PDZRN4: variants seen among roughly 807,000 people sequenced by gnomAD.
PDZRN4 encodes PDZ domain-containing RING finger protein 4.
Under a neutral mutation model 99.0 loss-of-function variants are expected in PDZRN4, and 70 were observed. The observed-to-expected ratio is 0.71, with a 90% CI of 0.58 to 0.86. PDZRN4 has a LOEUF of 0.86. Among genes scored for constraint, PDZRN4 ranks in the 40% least tolerant of loss-of-function variants. The probability of loss-of-function intolerance (pLI) is 0.00; values close to 1 mark genes in which losing one functional copy is unlikely to be tolerated. For synonymous variants in PDZRN4, 551 were observed against 501.6 expected (o/e 1.10, Z -1.32); for missense variants, 1,474 against 1,331.2 (o/e 1.11, Z -1.67).
chr12:41,223,312 G>A (rs78941226), intron 3 of PDZRN4, among the ~76,000 whole-genome samples: 3,709 of 152,156 alleles, frequency 0.024, 112 homozygotes, highest in African/African-American at 0.072. Flanking sequence ...GATTAGTCTT[G>A]TCAGGTTCTC....
chr12:41,424,510 G>C (rs985324585), intron 3 of PDZRN4, among the ~76,000 whole-genome samples: 1 of 152,022 alleles, frequency 6.6e-6, no homozygotes, highest in East Asian at 1.9e-4. Context: ...ACACAAAATT[G>C]GTTGCTAGAA....
At chr12:41,282,199 C>CA (rs765031792) in intron 3 of PDZRN4, among the ~76,000 whole-genome samples, 43 of 150,458 alleles carry the variant, frequency 2.9e-4, no homozygotes, top group South Asian at 2.3e-3. Flanking sequence ...AAATGGAAAG[C>CA]AAAAAAAACA....
At chr12:41,465,685 A>G (rs753002657) in intron 3 of PDZRN4, among the ~76,000 whole-genome samples, 2 of 152,158 alleles carry the variant, frequency 1.3e-5, no homozygotes, top group Non-Finnish European at 2.9e-5. Flanking sequence ...ATATCTGGAC[A>G]GTTGGGAACT....
chr12:41,572,579 T>A lies in PDZRN4; in HGVS notation c.1800T>A (p.Leu600=), dbSNP rs1565619527. 1 of 1,614,098 alleles carries A rather than the reference T, an allele frequency of 6.2e-7. No individual in the cohort carries two copies. The change falls in exon 10 of 10, where the codon CTT becomes CTA. Residue 600 remains leucine (L), a synonymous_variant. Coordinates refer to ENST00000402685, the MANE Select transcript of PDZRN4 (RefSeq NM_001164595.2). ...QSQDTLGSVE[L]QYNESLVSGE... ...AAGACACTCTGGGAAGTGTTGAACTTCAGTACAATGAGAGCCTCGTATCTG... is the reference window on the plus strand; with the variant it reads ...AAGACACTCTGGGAAGTGTTGAACTACAGTACAATGAGAGCCTCGTATCTG...
chr12:41,389,005 T>C (rs2121115045), intron 3 of PDZRN4, among the ~76,000 whole-genome samples: 1 of 152,282 alleles, frequency 6.6e-6, no homozygotes, highest in Non-Finnish European at 1.5e-5. Flanking sequence ...TGATGAAACT[T>C]GTCATAAAGT....
At chr12:41,488,678 G>T (rs1315828479) in intron 3 of PDZRN4, among the ~76,000 whole-genome samples, 1 of 151,892 alleles carries the variant, frequency 6.6e-6, no homozygotes, top group East Asian at 1.9e-4. Context: ...TCTCCGGGCT[G>T]GAGGGAAAAA....
intron 3 of PDZRN4, among the ~76,000 whole-genome samples, chr12:41,231,293 T>A (rs1335607730): frequency 6.6e-6 from 1 of 152,108 alleles, no homozygotes; most frequent in African/African-American, 2.4e-5. Flanking sequence ...TAGAGAAAAA[T>A]ATATGTATGT....
At chr12:41,254,458 C>A (rs181304783) in intron 3 of PDZRN4, among the ~76,000 whole-genome samples, 78 of 152,274 alleles carry the variant, frequency 5.1e-4, no homozygotes, top group African/African-American at 1.7e-3. Flanking sequence ...CAAATGAAAT[C>A]TTTCTGAATA....
chr12:41,572,421 A>G lies in PDZRN4; in HGVS notation c.1642A>G (p.Asn548Asp). The G allele has an allele frequency of 6.2e-7, 1 of 1,614,132 alleles. No homozygotes were observed. Among genetic ancestry groups the G allele is most frequent in the Non-Finnish European group, 8.5e-7 (1 of 1,179,986 alleles). Residue 548 changes from asparagine (N) to aspartate (D), a missense_variant, in exon 10 of 10, where the codon AAC becomes GAC. Physicochemically the swap from Asn to Asp is conservative, Grantham distance 23 (BLOSUM62 1). Transcript: ENST00000402685. ...TTDTATSSSN[N>D]HEKDSGVGRT... ...AGACACTGCAACATCCTCATCCAAC[A>G]ACCATGAGAAGGACAGTGGAGTAGG... is the stretch of plus-strand genomic sequence containing the variant.
intron 5 of PDZRN4, among the ~76,000 whole-genome samples, chr12:41,521,312 G>T (rs564578147): frequency 3.9e-5 from 6 of 152,116 alleles, no homozygotes; most frequent in Admixed American, 1.3e-4. Flanking sequence ...AGCATACCAG[G>T]TTTTTAAAGT....
At chr12:41,189,159 CGGTTCTTTCTG>C in intron 1 of PDZRN4, 56 bp downstream of exon 1, 1 of 1,504,832 alleles carries the variant, frequency 6.6e-7, no homozygotes, top group Non-Finnish European at 8.9e-7. Context: ...GGAAAAGGAG[CGGTTCTTTCTG>C]ACGCTTCAGG....
intron 3 of PDZRN4, among the ~76,000 whole-genome samples, chr12:41,481,020 C>T (rs1185088263): frequency 6.6e-6 from 1 of 151,688 alleles, no homozygotes; most frequent in Non-Finnish European, 1.5e-5. Context: ...TCATTTTCCC[C>T]CCTCTGTATA....
intron 3 of PDZRN4, among the ~76,000 whole-genome samples, chr12:41,275,979 G>A (rs1323746745): frequency 6.6e-6 from 1 of 152,126 alleles, no homozygotes; most frequent in African/African-American, 2.4e-5. Context: ...ATGGTTACAG[G>A]CAGAGGAAAC....
chr12:41,464,618 T>G (rs1164995276), intron 3 of PDZRN4, among the ~76,000 whole-genome samples: 1 of 152,170 alleles, frequency 6.6e-6, no homozygotes, highest in Non-Finnish European at 1.5e-5. Context: ...CATATGAGAA[T>G]TTGTAAATAA....
rs1205269966 is a variant in PDZRN4 at position 41,544,211 on chromosome 12, G to A, written c.1204-8445G>A. ...TAAGTAAAAACTGAACATGCTAGAGGAATTCTTAGAATGAGTAACTTCATA... is the reference window on the plus strand; with the variant it reads ...TAAGTAAAAACTGAACATGCTAGAGAAATTCTTAGAATGAGTAACTTCATA... On this transcript the variant is annotated intron_variant, in intron 5 of 9. Coordinates refer to ENST00000402685, the MANE Select transcript of PDZRN4 (RefSeq NM_001164595.2). 2.0e-5 allele frequency among the ~76,000 whole-genome samples: 3 copies of A among 152,152 alleles called. No homozygotes were observed. In the East Asian group the frequency reaches 5.8e-4, roughly 29 times the overall value.
intron 3 of PDZRN4, among the ~76,000 whole-genome samples, chr12:41,318,043 G>T (rs1449174932): frequency 6.6e-6 from 1 of 152,006 alleles, no homozygotes. Context: ...ACAATAGGTA[G>T]TTTACTCATT....
chr12:41,290,982 C>T (rs934498764), intron 3 of PDZRN4, among the ~76,000 whole-genome samples: 6 of 151,890 alleles, frequency 4.0e-5, no homozygotes, highest in South Asian at 2.1e-4. Context: ...ATGAAAGCCT[C>T]CTTTTTAAAG....
At chr12:41,454,304 G>T (rs889506743) in intron 3 of PDZRN4, among the ~76,000 whole-genome samples, 1 of 152,198 alleles carries the variant, frequency 6.6e-6, no homozygotes, top group Admixed American at 6.5e-5. Flanking sequence ...CCTGCCCACT[G>T]GCTGAGATCA....
At chr12:41,446,373 C>T (rs2730818) in intron 3 of PDZRN4, among the ~76,000 whole-genome samples, 76,766 of 150,932 alleles carry the variant, frequency 0.51, 19,942 homozygotes, top group African/African-American at 0.64. Context: ...TTACTAACAA[C>T]GAAAAAGACT....
Sources: allele counts gnomAD v4.1 joint callset (sites outside exome capture counted in the v4.1 genomes callset), GRCh38; gene constraint gnomAD v4.1.1; transcripts MANE v1.5; gene names NCBI Gene and HGNC (gene_info 2026-07-23, HGNC 2026-07-21).